Variants in CCSER2 observed in about 807,000 individuals in gnomAD.
CCSER2 encodes coiled-coil serine rich protein 2, also known as serine-rich coiled-coil domain-containing protein 2.
CCSER2 carries 46 observed loss-of-function variants against 92.3 expected under a neutral mutation model. The observed-to-expected ratio is 0.50, with a 90% CI of 0.39 to 0.64. The LOEUF (loss-of-function observed/expected upper bound fraction) is 0.64. Ranked by LOEUF, CCSER2 falls within the 30% of genes least tolerant of loss-of-function variation. The probability of loss-of-function intolerance (pLI) is 0.00; values close to 1 mark genes in which losing one functional copy is unlikely to be tolerated. For synonymous variants in CCSER2, 433 were observed against 431.4 expected (o/e 1.00, Z -0.04); for missense variants, 1,244 against 1,238.9 (o/e 1.00, Z -0.06).
intron 9 of CCSER2, among the ~76,000 whole-genome samples, chr10:84,509,811 C>T (rs758057115): frequency 5.3e-5 from 8 of 152,078 alleles, no homozygotes; most frequent in Middle Eastern, 3.2e-3. Flanking sequence ...TGTGGGCTTC[C>T]GAGGCTATGA....
At chr10:84,361,467 A>T (rs939323914) in intron 1 of CCSER2, among the ~76,000 whole-genome samples, 5 of 152,152 alleles carry the variant, frequency 3.3e-5, no homozygotes, top group Admixed American at 6.5e-5. Flanking sequence ...AGCTTTTTAC[A>T]TCGAAAATGG....
rs557595616 is a variant in CCSER2 at position 84,438,080 on chromosome 10, A to G, written c.1869-432A>G. On this transcript the variant is annotated intron_variant, in intron 5 of 9. Coordinates refer to ENST00000372088, the MANE Select transcript of CCSER2 (RefSeq NM_001284240.2). Reference sequence around the variant, plus strand: ...GAGACTTTCAAGAAATGGGAGTCCAAGGATGTATACAAACTGAGAGTTAAT... The same window carrying G: ...GAGACTTTCAAGAAATGGGAGTCCAGGGATGTATACAAACTGAGAGTTAAT... Among the ~76,000 whole-genome samples the G allele has an allele frequency of 3.9e-5, 6 of 152,324 alleles. No individual in the cohort carries two copies. The East Asian group carries it at 9.6e-4, about 24-fold the overall frequency.
At chr10:84,437,340 G>A (rs151026789) in intron 5 of CCSER2, among the ~76,000 whole-genome samples, 1 of 152,184 alleles carries the variant, frequency 6.6e-6, no homozygotes, top group African/African-American at 2.4e-5. Flanking sequence ...CCAACATGGT[G>A]AAACCCCCTC....
At chr10:84,398,704 GT>G (rs1338665555) in intron 3 of CCSER2, among the ~76,000 whole-genome samples, 1 of 152,108 alleles carries the variant, frequency 6.6e-6, no homozygotes, top group African/African-American at 2.4e-5. Context: ...AGAGAAATTT[GT>G]AAAGAATTGA....
chr10:84,390,700 A>G (rs956605448), intron 3 of CCSER2, among the ~76,000 whole-genome samples: 1 of 152,130 alleles, frequency 6.6e-6, no homozygotes, highest in African/African-American at 2.4e-5. Flanking sequence ...ATTAACTTCC[A>G]TCTTTGTAAC....
intron 6 of CCSER2, among the ~76,000 whole-genome samples, chr10:84,448,337 C>T (rs1317246089): frequency 2.6e-5 from 4 of 152,104 alleles, no homozygotes; most frequent in Non-Finnish European, 5.9e-5. Flanking sequence ...CTATTCTTTC[C>T]ACTTAAGTTT....
chr10:84,447,684 T>C (rs766296763), intron 6 of CCSER2, among the ~76,000 whole-genome samples: 5 of 152,236 alleles, frequency 3.3e-5, no homozygotes, highest in Non-Finnish European at 5.9e-5. Context: ...CAATTAAATC[T>C]CAAATAACTT....
chr10:84,381,917 CAAAA>C (rs544545707), intron 3 of CCSER2, among the ~76,000 whole-genome samples: 45 of 120,030 alleles, frequency 3.7e-4, no homozygotes, highest in African/African-American at 9.6e-4. Context: ...AAGGCTTTCT[CAAAA>C]AAAAAAAAAA....
chr10:84,457,661 T>C (rs1307734616), intron 6 of CCSER2, among the ~76,000 whole-genome samples: 1 of 114,492 alleles, frequency 8.7e-6, no homozygotes, highest in Non-Finnish European at 1.7e-5. Flanking sequence ...TTATATTATT[T>C]TTAATTTTAG....
chr10:84,356,956 G>A (rs1411937542), intron 1 of CCSER2, among the ~76,000 whole-genome samples: 3 of 152,218 alleles, frequency 2.0e-5, no homozygotes, highest in African/African-American at 7.2e-5. Context: ...GGAATATGCT[G>A]TTTATTCTTG....
chr10:84,491,461 T>C (rs10887307), intron 9 of CCSER2, among the ~76,000 whole-genome samples: 86,102 of 151,958 alleles, frequency 0.57, 27,086 homozygotes, highest in East Asian at 0.74. Context: ...CCCCCAGCCT[T>C]GCTGCCACCT....
At chr10:84,507,451 G>T in intron 9 of CCSER2, 1 of 200,832 alleles carries the variant, frequency 5.0e-6, no homozygotes, top group Non-Finnish European at 8.9e-6. Flanking sequence ...GCATGTTACA[G>T]ATGGCTCTAT....
At chr10:84,408,064 C>T (rs1286604393) in intron 3 of CCSER2, among the ~76,000 whole-genome samples, 1 of 152,006 alleles carries the variant, frequency 6.6e-6, no homozygotes, top group Non-Finnish European at 1.5e-5. Context: ...TTGAACTTCC[C>T]AGGGGTGCCA....
chr10:84,453,706 C>T (rs1221849347), intron 6 of CCSER2, among the ~76,000 whole-genome samples: 1 of 152,132 alleles, frequency 6.6e-6, no homozygotes, highest in East Asian at 1.9e-4. Flanking sequence ...ACAGATGTCT[C>T]AGTTTCTCCT....
At chr10:84,382,692 T>C (rs1311302019) in intron 3 of CCSER2, among the ~76,000 whole-genome samples, 1 of 152,204 alleles carries the variant, frequency 6.6e-6, no homozygotes, top group African/African-American at 2.4e-5. Context: ...GGAGTGCCTT[T>C]ATTTTTGGAA....
chr10:84,391,457 A>G, intron 3 of CCSER2: 1 of 1,565,446 alleles, frequency 6.4e-7, no homozygotes, highest in South Asian at 1.1e-5. Context: ...AGGTGACCTC[A>G]CAAAAGCTTG....
chr10:84,457,630 A>G (rs1367843308), intron 6 of CCSER2, among the ~76,000 whole-genome samples: 1 of 89,462 alleles, frequency 1.1e-5, no homozygotes, highest in African/African-American at 3.8e-5. Context: ...ATATTTATAT[A>G]TTATATATAA....
rs780603686 is a variant in CCSER2 at position 84,372,482 on chromosome 10, T to TA, written c.1417+14dup. The TA allele has an allele frequency of 1.1e-4, 160 of 1,441,964 alleles. No individual in the cohort carries two copies. The highest frequency in any genetic ancestry group is 1.4e-4 in the Non-Finnish European group (153 of 1,067,228). The allele number at this position is 1,441,964 out of a possible 1,614,324, so 89.3% of individuals were successfully genotyped here. On this transcript the variant is annotated intron_variant, in intron 2 of 9. Transcript: ENST00000372088. ...ATAAGTGTCTCTGGTAAATATTACT[T>TA]ACCTTAAGTTTTTTTGCTTTCTTTT...
chr10:84,433,785 T>A (rs905785352), intron 5 of CCSER2, among the ~76,000 whole-genome samples: 3 of 152,214 alleles, frequency 2.0e-5, no homozygotes, highest in Non-Finnish European at 4.4e-5. Context: ...TTTTTTTATC[T>A]TGTTGATTTT....
Sources: allele counts gnomAD v4.1 joint callset (sites outside exome capture counted in the v4.1 genomes callset), GRCh38; gene constraint gnomAD v4.1.1; transcripts MANE v1.5; gene names NCBI Gene and HGNC (gene_info 2026-07-23, HGNC 2026-07-21).